The following ZC3H14 variants were observed in gnomAD, a reference collection of about 807,000 sequenced individuals.
ZC3H14 encodes the protein zinc finger CCCH domain-containing protein 14.
ZC3H14 carries 31 observed loss-of-function variants against 92.4 expected under a neutral mutation model. That is an observed-to-expected ratio of 0.34 (90% CI 0.25 to 0.45). The LOEUF is 0.45. ZC3H14 is among the 20% of genes least tolerant of loss of function. ZC3H14 has a pLI of 1.00. For synonymous variants in ZC3H14, 321 were observed against 300.9 expected (o/e 1.07, Z -0.69); for missense variants, 781 against 897.3 (o/e 0.87, Z 1.66).
intron 10 of ZC3H14, among the ~76,000 whole-genome samples, chr14:88,600,202 C>T (rs1377325914): frequency 6.6e-6 from 1 of 152,240 alleles, no homozygotes; most frequent in Non-Finnish European, 1.5e-5. Context: ...CCTTTACCAT[C>T]TGTACTGCCC....
chr14:88,572,040 T>C lies in ZC3H14; in HGVS notation c.246T>C (p.Ser82=). The C allele has an allele frequency of 6.2e-7, 1 of 1,613,734 alleles. No homozygotes were observed. The highest frequency in any genetic ancestry group is 8.5e-7 in the Non-Finnish European group (1 of 1,179,942). Residue 82 remains serine (S), a synonymous_variant, in exon 5 of 17, where the codon AGT becomes AGC. Transcript: ENST00000251038. ...KLRSVTTEPS[S]LKSSDTNIFD... is the part of the protein sequence containing the mutation. ...TATTTTTCTTTTCAGAACCCTCTAG[T>C]CTGAAGTCTTCTGATACCAACATCT...
At chr14:88,581,306 C>T (rs1392246667) in intron 9 of ZC3H14, among the ~76,000 whole-genome samples, 1 of 152,112 alleles carries the variant, frequency 6.6e-6, no homozygotes, top group Non-Finnish European at 1.5e-5. Flanking sequence ...CGCCTGTAAT[C>T]CCAGCACTTT....
Position 88,603,034 on chromosome 14 carries a change from A to G in ZC3H14, c.1721A>G (p.Glu574Gly), listed in dbSNP as rs370239066. ...TTGCACTTGCTGAGCAGGCAGCTTG[A>G]GGACCCAAATGGTAGCTTTTCTAAC... ...QQLHLLSRQL[E>G]DPNGSFSNAE... is the part of the protein sequence containing the mutation. The change falls in exon 12 of 17, where the codon GAG (glutamate) becomes GGG (glycine). Residue 574 changes from glutamate to glycine, a missense_variant. This residue lies in a region of ZC3H14 where 221 missense variants were observed against 304.7 expected (regional missense o/e 0.73). Transcript: ENST00000251038. 3 of 1,614,206 alleles carry G rather than the reference A, an allele frequency of 1.9e-6. No individual in the cohort carries two copies. Among genetic ancestry groups the G allele is most frequent in the Non-Finnish European group, 2.5e-6 (3 of 1,180,030 alleles).
Position 88,618,040 on chromosome 14 carries a change from C to CT in ZC3H14, c.*6290dup. 2.6e-6 allele frequency: 1 copy of CT among 382,688 alleles called. No individual in the cohort carries two copies. Among genetic ancestry groups the CT allele is most frequent in the Admixed American group, 4.2e-5 (1 of 23,670 alleles). The allele number at this position is 382,688 out of a possible 1,614,324, so 23.7% of individuals were successfully genotyped here. ...AAAAAAACTTGATAAATCATGGAAA[C>CT]TGATAAAACATGGAAATATATTCAA... On this transcript the variant is annotated 3_prime_UTR_variant, in exon 17 of 17. Transcript: ENST00000251038.
Position 88,593,641 on chromosome 14 carries a change from C to T in ZC3H14, c.1280-3093C>T, listed in dbSNP as rs150919310. 1.2e-4 allele frequency among the ~76,000 whole-genome samples: 19 copies of T among 152,214 alleles called. No homozygotes were observed. In the East Asian group the frequency reaches 3.7e-3, roughly 29 times the overall value. On this transcript the variant is annotated intron_variant, in intron 9 of 16. Transcript: ENST00000251038. ...TTATTGGCAAAAGAATAGGTTTTTC[C>T]ACAGGTGATGCTGGGACAACTGAAT...
intron 12 of ZC3H14, among the ~76,000 whole-genome samples, chr14:88,605,498 AATTTTTTGT>A: frequency 6.6e-6 from 1 of 152,036 alleles, no homozygotes; most frequent in East Asian, 1.9e-4. Context: ...ATGCCTGGCT[AATTTTTTGT>A]ATTTTTTGTA....
At position 88,616,142 on chromosome 14, in the gene ZC3H14, C is replaced by A; in HGVS notation, c.*4391C>A. The A allele has an allele frequency of 6.2e-7, 1 of 1,613,732 alleles. No individual in the cohort carries two copies. The highest frequency in any genetic ancestry group is 8.5e-7 in the Non-Finnish European group (1 of 1,179,710). ...TTCATGGGCTGAGAAAGTTACTAAC[C>A]TGCAGTCATCACCTCCAGCACTAAC... On this transcript the variant is annotated 3_prime_UTR_variant, in exon 17 of 17. Coordinates refer to ENST00000251038, the MANE Select transcript of ZC3H14 (RefSeq NM_024824.5).
chr14:88,594,566 C>T (rs2083551810), intron 9 of ZC3H14: 1 of 1,472,822 alleles, frequency 6.8e-7, no homozygotes, highest in South Asian at 1.4e-5. Flanking sequence ...TTTTGAATTA[C>T]AGGTTTTAAG....
In ZC3H14 at chr14:88,570,972, A is replaced by T. The variant is rs563790243; in HGVS notation, c.195-112A>T. On this transcript the variant is annotated intron_variant, in intron 3 of 16. Transcript: ENST00000251038. Reference sequence around the variant, plus strand: ...CTCTATTTAAAAATAATAAAAATATAAAAAAATTTAAAAAATTATCTCTGA... The same window carrying T: ...CTCTATTTAAAAATAATAAAAATATTAAAAAATTTAAAAAATTATCTCTGA... The T allele has an allele frequency of 3.6e-5, 30 of 822,422 alleles. No homozygotes were observed. In the South Asian group the frequency reaches 6.7e-4, roughly 18 times the overall value. 50.9% of individuals were successfully genotyped at this position (822,422 alleles called of 1,614,324 possible).
chr14:88,600,993 A>G (rs2084564985), intron 10 of ZC3H14, among the ~76,000 whole-genome samples: 1 of 151,738 alleles, frequency 6.6e-6, no homozygotes. Context: ...CTCCTTGTTT[A>G]TTCCTGCTTG....
Position 88,608,543 on chromosome 14 carries a change from G to C in ZC3H14, c.1869-724G>C, listed in dbSNP as rs1368170795. On this transcript the variant is annotated intron_variant, in intron 13 of 16. Transcript: ENST00000251038. ...TATGTTTGTTGAGAGGCAAGGGTGG[G>C]GGGGCTTTGTTTGTGCCTCGGACCT... 5 of 251,600 alleles carry C rather than the reference G, an allele frequency of 2.0e-5. No homozygotes were observed. The South Asian group carries it at 2.2e-4, about 11-fold the overall frequency. The allele number at this position is 251,600 out of a possible 1,614,324, so 15.6% of individuals were successfully genotyped here.
In ZC3H14 at chr14:88,616,122, G is replaced by T; in HGVS notation, c.*4371G>T. On this transcript the variant is annotated 3_prime_UTR_variant, in exon 17 of 17. Coordinates refer to ENST00000251038, the MANE Select transcript of ZC3H14 (RefSeq NM_024824.5). ...ACTAGTAACATAGTCTGCTCTTCAT[G>T]GGCTGAGAAAGTTACTAACCTGCAG... 6.2e-7 allele frequency: 1 copy of T among 1,610,806 alleles called. No individual in the cohort carries two copies. Among genetic ancestry groups the T allele is most frequent in the South Asian group, 1.1e-5 (1 of 90,976 alleles).
chr14:88,566,616 A>G (rs1404339216), intron 2 of ZC3H14, among the ~76,000 whole-genome samples: 1 of 152,210 alleles, frequency 6.6e-6, no homozygotes, highest in African/African-American at 2.4e-5. Context: ...TATTACAAGT[A>G]TTTAAGGTAT....
Position 88,620,221 on chromosome 14 carries a change from C to T in ZC3H14, c.*8470C>T, listed in dbSNP as rs1330508021. On this transcript the variant is annotated 3_prime_UTR_variant, in exon 17 of 17. Coordinates refer to ENST00000251038, the MANE Select transcript of ZC3H14 (RefSeq NM_024824.5). This position sits in a 1 kb window ranked among gnomAD's most constrained non-coding sequence, Gnocchi z 4.3. ...AGATTCAATAATCTTATCTACTGAT[C>T]ACACGGAAGTACTCCGTAAATGGTA... The T allele has an allele frequency of 1.3e-5, 2 of 152,250 alleles. No individual in the cohort carries two copies. Among genetic ancestry groups the T allele is most frequent in the Non-Finnish European group, 2.9e-5 (2 of 68,060 alleles). 9.4% of individuals were successfully genotyped at this position (152,250 alleles called of 1,614,324 possible).
rs536944221 is a variant in ZC3H14, at chr14:88,610,424, C to G, written c.2098-410C>G. On this transcript the variant is annotated intron_variant, in intron 15 of 16. Coordinates refer to ENST00000251038, the MANE Select transcript of ZC3H14 (RefSeq NM_024824.5). ...GTGTCTCAAGGTTAAGTCCATTTTT[C>G]AAGGCTTCACTAGTATTAAAATGGT... is the stretch of plus-strand genomic sequence containing the variant. 1.1e-4 allele frequency among the ~76,000 whole-genome samples: 17 copies of G among 152,228 alleles called. No homozygotes were observed. In the South Asian group the frequency reaches 3.1e-3, roughly 28 times the overall value.
chr14:88,606,550 G>A (rs189852455), intron 12 of ZC3H14, among the ~76,000 whole-genome samples: 6 of 152,024 alleles, frequency 3.9e-5, no homozygotes, highest in Non-Finnish European at 8.8e-5. Context: ...TGGGTGGATC[G>A]CTTAAGTCCT....
intron 11 of ZC3H14, 48 bp downstream of exon 11, chr14:88,602,131 T>C (rs371099761): frequency 1.9e-6 from 3 of 1,611,230 alleles, no homozygotes; most frequent in African/African-American, 2.7e-5. Flanking sequence ...GATTAGATAG[T>C]AAAGGTTAAC....
chr14:88,623,512 C>G lies in ZC3H14; in HGVS notation c.*11761C>G, dbSNP rs2089431285. On this transcript the variant is annotated 3_prime_UTR_variant, in exon 17 of 17. Coordinates refer to ENST00000251038, the MANE Select transcript of ZC3H14 (RefSeq NM_024824.5). ...CTCGGCTCACTGCAACCTGTGCCTCCCAGGTTCAAGCGATTCTTCTCCTTC... is the reference window on the plus strand; with the variant it reads ...CTCGGCTCACTGCAACCTGTGCCTCGCAGGTTCAAGCGATTCTTCTCCTTC... 6.6e-6 allele frequency: 1 copy of G among 150,632 alleles called. No homozygotes were observed. The highest frequency in any genetic ancestry group is 2.5e-5 in the African/African-American group (1 of 40,780). The allele number at this position is 150,632 out of a possible 1,614,324, so 9.3% of individuals were successfully genotyped here. A position where few individuals can be genotyped will look rare whatever the true frequency, so the allele number is the denominator to read the frequency against.
chr14:88,604,740 A>G (rs1471019863), intron 12 of ZC3H14, among the ~76,000 whole-genome samples: 2 of 151,976 alleles, frequency 1.3e-5, no homozygotes, highest in African/African-American at 2.4e-5. Context: ...GATTACAGGC[A>G]TGCACCATCA....
Sources: allele counts gnomAD v4.1 joint callset (sites outside exome capture counted in the v4.1 genomes callset), GRCh38; gene constraint gnomAD v4.1.1; regional missense constraint gnomAD v4.1.1; non-coding constraint Gnocchi (gnomAD v3.1); transcripts MANE v1.5; gene names NCBI Gene and HGNC (gene_info 2026-07-23, HGNC 2026-07-21).